The following PCED1B variants were observed in gnomAD, a reference collection of about 807,000 sequenced individuals.
PCED1B encodes the protein PC-esterase domain containing 1B, also known as PC-esterase domain-containing protein 1B.
For synonymous variants in PCED1B, 251 were observed against 246.1 expected (o/e 1.02, Z -0.19); for missense variants, 573 against 573.9 (o/e 1.00, Z 0.02).
At chr12:47,222,654 C>G (rs1331591567) in intron 3 of PCED1B, among the ~76,000 whole-genome samples, 1 of 152,064 alleles carries the variant, frequency 6.6e-6, no homozygotes, top group African/African-American at 2.4e-5. Flanking sequence ...GTTCATTTAA[C>G]CCTCACTTGT....
chr12:47,186,527 A>G (rs887324460), intron 2 of PCED1B, among the ~76,000 whole-genome samples: 1 of 152,080 alleles, frequency 6.6e-6, no homozygotes, highest in African/African-American at 2.4e-5. Context: ...TTTCAGGCAG[A>G]TAGGAGGCGG....
At chr12:47,091,021 G>A (rs1938243460) in intron 1 of PCED1B, among the ~76,000 whole-genome samples, 1 of 151,802 alleles carries the variant, frequency 6.6e-6, no homozygotes, top group African/African-American at 2.4e-5. Flanking sequence ...TAATTCTTTT[G>A]GTGAACATGT....
chr12:47,193,946 C>T (rs1942523415), intron 2 of PCED1B, among the ~76,000 whole-genome samples: 1 of 152,218 alleles, frequency 6.6e-6, no homozygotes, highest in East Asian at 1.9e-4. Flanking sequence ...CTTGCCCTCA[C>T]TAAGCTGCAT....
chr12:47,120,957 C>T (rs1349150739), intron 2 of PCED1B, among the ~76,000 whole-genome samples: 2 of 151,992 alleles, frequency 1.3e-5, no homozygotes, highest in African/African-American at 4.8e-5. Context: ...TCTATAAAGA[C>T]AGAAGGTAGA....
Position 47,147,445 on chromosome 12 carries a change from T to C in PCED1B, c.-526+43250T>C, listed in dbSNP as rs541761205. On this transcript the variant is annotated intron_variant, in intron 2 of 3. Coordinates refer to ENST00000546455, the MANE Select transcript of PCED1B (RefSeq NM_138371.3). ...CAATTCCTTGTTCCTCAATTCCATC[T>C]GAGATCTCCTCAGAATGGCTTTTAC... 2.0e-5 allele frequency among the ~76,000 whole-genome samples: 3 copies of C among 152,352 alleles called. No homozygotes were observed. The South Asian group carries it at 6.2e-4, about 32-fold the overall frequency.
chr12:47,093,127 CT>C (rs1335699111), intron 1 of PCED1B, among the ~76,000 whole-genome samples: 1 of 151,700 alleles, frequency 6.6e-6, no homozygotes, highest in Non-Finnish European at 1.5e-5. Context: ...CCAGGCTTTT[CT>C]TTTTTAAAAT....
chr12:47,235,098 T>G lies in PCED1B; in HGVS notation c.35T>G (p.Leu12Arg). The change falls in exon 4 of 4, where the codon CTG (leucine) becomes CGG (arginine). Residue 12 changes from leucine (L) to arginine (R), a missense_variant. Transcript: ENST00000546455. ...CTGCGGGCCTCCGAAGTGCGGCAGC[T>G]GCTTCACAATAAGTTCGTGGTCATC... ...ILLRASEVRQ[L>R]LHNKFVVILG... is the part of the protein sequence containing the mutation. The G allele has an allele frequency of 1.3e-6, 2 of 1,529,772 alleles. No individual in the cohort carries two copies. The highest frequency in any genetic ancestry group is 1.8e-6 in the Non-Finnish European group (2 of 1,140,042). The allele number at this position is 1,529,772 out of a possible 1,614,324, so 94.8% of individuals were successfully genotyped here. A position where few individuals can be genotyped will look rare whatever the true frequency, so the allele number is the denominator to read the frequency against.
At chr12:47,232,903 A>C (rs1943850719) in intron 3 of PCED1B, among the ~76,000 whole-genome samples, 1 of 138,576 alleles carries the variant, frequency 7.2e-6, no homozygotes, top group Non-Finnish European at 1.6e-5. Context: ...CAGACCTAGA[A>C]ATTTTATTTA....
At chr12:47,229,655 C>T (rs112437190) in intron 3 of PCED1B, among the ~76,000 whole-genome samples, 4 of 152,138 alleles carry the variant, frequency 2.6e-5, no homozygotes, top group African/African-American at 9.7e-5. Context: ...TGCATTGAAC[C>T]ATCAGAAAGC....
intron 2 of PCED1B, among the ~76,000 whole-genome samples, chr12:47,194,066 C>A (rs1942526867): frequency 6.6e-6 from 1 of 152,222 alleles, no homozygotes; most frequent in Non-Finnish European, 1.5e-5. Flanking sequence ...GTGTTGAGAC[C>A]TCCTTGCAGG....
chr12:47,164,073 C>G (rs1269544438), intron 2 of PCED1B, among the ~76,000 whole-genome samples: 1 of 152,198 alleles, frequency 6.6e-6, no homozygotes, highest in Non-Finnish European at 1.5e-5. Context: ...CACCCCCCTA[C>G]AATGCCAAAC....
chr12:47,165,761 T>C (rs1941525229), intron 2 of PCED1B, among the ~76,000 whole-genome samples: 1 of 152,192 alleles, frequency 6.6e-6, no homozygotes, highest in South Asian at 2.1e-4. Flanking sequence ...GTTTTGTTAT[T>C]CTGTTACATA....
chr12:47,156,484 AC>A (rs886919757), intron 2 of PCED1B, among the ~76,000 whole-genome samples: 10 of 152,128 alleles, frequency 6.6e-5, no homozygotes, highest in African/African-American at 2.4e-4. Context: ...TCAAGCCATC[AC>A]ATTCCCTTGC....
intron 1 of PCED1B, among the ~76,000 whole-genome samples, chr12:47,093,325 A>T (rs1196843429): frequency 1.3e-5 from 2 of 150,372 alleles, no homozygotes; most frequent in South Asian, 2.1e-4. Context: ...ATCTATAGTG[A>T]TATCTCCTTT....
chr12:47,188,374 G>T (rs1490165602), intron 2 of PCED1B, among the ~76,000 whole-genome samples: 1 of 152,182 alleles, frequency 6.6e-6, no homozygotes, highest in African/African-American at 2.4e-5. Context: ...AAGGGTGTTA[G>T]CTGCAAATCT....
At chr12:47,234,015 A>G (rs1471960196) in intron 3 of PCED1B, among the ~76,000 whole-genome samples, 1 of 151,476 alleles carries the variant, frequency 6.6e-6, no homozygotes, top group Non-Finnish European at 1.5e-5. Context: ...TCTGAGACGG[A>G]GTTTCTCTCT....
At chr12:47,142,391 A>G (rs151026492) in intron 2 of PCED1B, among the ~76,000 whole-genome samples, 1 of 152,342 alleles carries the variant, frequency 6.6e-6, no homozygotes, top group African/African-American at 2.4e-5. Context: ...ATGCACAGAC[A>G]CCAATGCAAA....
chr12:47,106,803 T>G (rs1938971981), intron 2 of PCED1B, among the ~76,000 whole-genome samples: 1 of 152,194 alleles, frequency 6.6e-6, no homozygotes, highest in African/African-American at 2.4e-5. Flanking sequence ...TTTTTCTTTG[T>G]CAGTCTCTGC....
chr12:47,211,809 C>T (rs567083636), intron 2 of PCED1B, among the ~76,000 whole-genome samples: 46 of 151,932 alleles, frequency 3.0e-4, no homozygotes, highest in Non-Finnish European at 4.9e-4. Flanking sequence ...GGCACGGTGG[C>T]TCACGCCTGT....
Sources: allele counts gnomAD v4.1 joint callset (sites outside exome capture counted in the v4.1 genomes callset), GRCh38; gene constraint gnomAD v4.1.1; transcripts MANE v1.5; gene names NCBI Gene and HGNC (gene_info 2026-07-23, HGNC 2026-07-21).